JPH3: variants seen among roughly 807,000 people sequenced by gnomAD.
JPH3 encodes junctophilin-3.
Under a neutral mutation model 59.6 loss-of-function variants are expected in JPH3, and 11 were observed. The observed-to-expected ratio is 0.18, with a 90% CI of 0.12 to 0.31. The LOEUF is 0.31. Ranked by LOEUF, JPH3 falls within the 10% of genes least tolerant of loss-of-function variation. The pLI is 1.00. For synonymous variants in JPH3, 673 were observed against 483.6 expected (o/e 1.39, Z -5.14); for missense variants, 1,202 against 1,105.7 (o/e 1.09, Z -1.24).
At chr16:87,616,238 AT>A (rs558660188) in intron 1 of JPH3, among the ~76,000 whole-genome samples, 45 of 32,482 alleles carry the variant, frequency 1.4e-3, no homozygotes, top group Admixed American at 2.9e-3. Context: ...GTGTGTGTGT[AT>A]TTTTTTTTTT....
At chr16:87,658,037 G>A (rs180946768) in intron 2 of JPH3, among the ~76,000 whole-genome samples, 1 of 152,140 alleles carries the variant, frequency 6.6e-6, no homozygotes, top group Non-Finnish European at 1.5e-5. Context: ...GGGGACTGGG[G>A]GCCCACACCC....
chr16:87,657,258 G>A (rs1255625150), intron 2 of JPH3, among the ~76,000 whole-genome samples: 1 of 152,216 alleles, frequency 6.6e-6, no homozygotes, highest in Non-Finnish European at 1.5e-5. Flanking sequence ...TCTGACACCT[G>A]CCACGGCATG....
intron 1 of JPH3, chr16:87,604,398 T>G (rs1334209147): frequency 2.8e-6 from 4 of 1,422,568 alleles, no homozygotes; most frequent in Non-Finnish European, 3.7e-6. Context: ...CTCTCCGATA[T>G]CCACTCCTCA....
intron 3 of JPH3, chr16:87,684,531 T>G: frequency 1.8e-5 from 8 of 448,152 alleles, no homozygotes; most frequent in Non-Finnish European, 3.2e-5. Flanking sequence ...GCTTGCCGGC[T>G]GTCCCTGACG....
In JPH3 at chr16:87,690,259, C is replaced by T. The variant is rs772935872; in HGVS notation, c.1899C>T (p.Gly633=). Residue 633 remains glycine, a synonymous_variant, in exon 4 of 5, where the codon GGC becomes GGT. Coordinates refer to ENST00000284262, the MANE Select transcript of JPH3 (RefSeq NM_020655.4). ...CCCAGAAAAGACGCTACAGCAAGGGCGGCGCCTGCCGGGGCTTGGGGGACG... is the reference window on the plus strand; with the variant it reads ...CCCAGAAAAGACGCTACAGCAAGGGTGGCGCCTGCCGGGGCTTGGGGGACG... The part of the protein sequence containing the change: ...THPQKRRYSK[G]GACRGLGDDH... 2.5e-6 allele frequency: 4 copies of T among 1,602,328 alleles called. No homozygotes were observed. The highest frequency in any genetic ancestry group is 1.7e-5 in the Admixed American group (1 of 58,778).
intron 2 of JPH3, among the ~76,000 whole-genome samples, chr16:87,651,466 A>G (rs1195469455): frequency 6.6e-6 from 1 of 152,238 alleles, no homozygotes. Context: ...GAAAGGATTC[A>G]CCATTCTAGA....
chr16:87,639,476 C>T (rs1010897701), intron 1 of JPH3, among the ~76,000 whole-genome samples: 3 of 152,216 alleles, frequency 2.0e-5, no homozygotes, highest in Non-Finnish European at 4.4e-5. Flanking sequence ...GTCATCTTCA[C>T]GTGTGCCGTT....
chr16:87,617,352 T>C (rs78283000), intron 1 of JPH3, among the ~76,000 whole-genome samples: 3,220 of 152,212 alleles, frequency 0.021, 64 homozygotes, highest in South Asian at 0.053. Flanking sequence ...ATCTGGGGTG[T>C]CTCCAGCGTG....
chr16:87,650,180 G>C (rs559371450), intron 2 of JPH3, among the ~76,000 whole-genome samples: 1 of 152,342 alleles, frequency 6.6e-6, no homozygotes, highest in Admixed American at 6.5e-5. Context: ...TCGTGTGTCC[G>C]TGCCACACTT....
chr16:87,683,194 G>A (rs1308275619), intron 2 of JPH3, among the ~76,000 whole-genome samples: 2 of 152,268 alleles, frequency 1.3e-5, no homozygotes, highest in Non-Finnish European at 2.9e-5. Flanking sequence ...GGCAGTGGCA[G>A]GAAGCACAGA....
chr16:87,666,416 G>T (rs1216287389), intron 2 of JPH3, among the ~76,000 whole-genome samples: 1 of 147,250 alleles, frequency 6.8e-6, no homozygotes, highest in African/African-American at 2.5e-5. Context: ...CTTGGCAACA[G>T]GGTCTTGCTC....
intron 1 of JPH3, among the ~76,000 whole-genome samples, chr16:87,613,947 G>A (rs968824574): frequency 4.6e-5 from 7 of 152,136 alleles, no homozygotes; most frequent in East Asian, 3.9e-4. Context: ...GTTTCTGGCC[G>A]CAGAATTGTT....
At chr16:87,661,131 C>T (rs1030379697) in intron 2 of JPH3, among the ~76,000 whole-genome samples, 5 of 152,204 alleles carry the variant, frequency 3.3e-5, no homozygotes, top group South Asian at 2.1e-4. Context: ...CCAGAGGCCG[C>T]CTGCGTTCCT....
At position 87,683,934 on chromosome 16, in the gene JPH3, A is replaced by G. The variant is rs2033354862; in HGVS notation, c.1161-208A>G. The G allele has an allele frequency of 1.0e-5, 6 of 577,338 alleles. No homozygotes were observed. The South Asian group carries it at 1.2e-4, about 12-fold the overall frequency. The allele number at this position is 577,338 out of a possible 1,614,324, so 35.8% of individuals were successfully genotyped here. ...AGGTGTTTTCAAGCATGTCCTGTGC[A>G]CTGGGCCTGGTTGGTTGATGCTCAG... On this transcript the variant is annotated intron_variant, in intron 2 of 4. Coordinates refer to ENST00000284262, the MANE Select transcript of JPH3 (RefSeq NM_020655.4).
chr16:87,643,326 C>T (rs1475755208), intron 1 of JPH3, among the ~76,000 whole-genome samples: 2 of 152,216 alleles, frequency 1.3e-5, no homozygotes, highest in African/African-American at 2.4e-5. Flanking sequence ...CCTTTCCAGC[C>T]ATGGAAACAG....
At chr16:87,633,127 C>T (rs73234369) in intron 1 of JPH3, among the ~76,000 whole-genome samples, 4,342 of 152,252 alleles carry the variant, frequency 0.029, 220 homozygotes, top group African/African-American at 0.099. Context: ...CCACAGACAG[C>T]ATGGCTTAAA....
At chr16:87,664,255 C>G (rs554186646) in intron 2 of JPH3, among the ~76,000 whole-genome samples, 9 of 143,760 alleles carry the variant, frequency 6.3e-5, no homozygotes, top group African/African-American at 2.4e-4. Context: ...GGCGTGAACC[C>G]GGGAGGCGGA....
chr16:87,689,767 C>T lies in JPH3; in HGVS notation c.1407C>T (p.Asp469=). ...ACCGCAAGGGCACCACTCCCTCCGA[C>T]CTGACCCCCGACGACAGCCCCCTGC... ...ELYRKGTTPS[D]LTPDDSPLQS... is the part of the protein sequence containing the mutation. Residue 469 remains aspartate, a synonymous_variant, in exon 4 of 5, where the codon GAC becomes GAT. Coordinates refer to ENST00000284262, the MANE Select transcript of JPH3 (RefSeq NM_020655.4). The T allele has an allele frequency of 1.2e-6, 2 of 1,611,366 alleles. No homozygotes were observed. The highest frequency in any genetic ancestry group is 8.5e-7 in the Non-Finnish European group (1 of 1,179,320).
intron 3 of JPH3, among the ~76,000 whole-genome samples, chr16:87,687,650 A>T (rs2033450276): frequency 6.6e-6 from 1 of 152,204 alleles, no homozygotes. Context: ...CAGGGGCTTC[A>T]CGAGGACCCG....
Sources: gnomAD v4.1 joint callset for allele counts (sites outside exome capture counted in the v4.1 genomes callset) on GRCh38, gnomAD v4.1.1 for gene constraint, MANE v1.5 for transcripts, NCBI Gene and HGNC (gene_info 2026-07-23, HGNC 2026-07-21) for gene names.